IFITM3: variants seen among roughly 807,000 people sequenced by gnomAD.
IFITM3 encodes interferon-induced transmembrane protein 3.
Under a neutral mutation model 5.2 loss-of-function variants are expected in IFITM3, and 5 were observed. The observed-to-expected ratio is 0.96, with a 90% CI of 0.50 to 2.03. The LOEUF (loss-of-function observed/expected upper bound fraction) is 2.03, where lower values mean the gene tolerates loss of function less well. Among genes scored for constraint, IFITM3 ranks in the 30% most tolerant of loss-of-function variants. IFITM3 has a pLI of 0.01. For synonymous variants in IFITM3, 81 were observed against 77.6 expected (o/e 1.04, Z -0.23); for missense variants, 156 against 177.3 (o/e 0.88, Z 0.68).
intron 1 of IFITM3, chr11:320,211 G>A: frequency 2.8e-6 from 2 of 722,064 alleles, no homozygotes; most frequent in Non-Finnish European, 5.1e-6. Flanking sequence ...TCACCTGTGA[G>A]TTCCCTTCTC....
In IFITM3 at chr11:319,764, GC is replaced by G. The variant is rs779140670; in HGVS notation, c.*73del. 5 of 1,597,606 alleles carry G rather than the reference GC, an allele frequency of 3.1e-6. No individual in the cohort carries two copies. The South Asian group carries it at 5.5e-5, about 18-fold the overall frequency. ...TACAGGACTCGGCTCCGGGGGCAGGGCGAGGAATGGAAGTTGGAGTACGTGG... is the reference window on the plus strand; with the variant it reads ...TACAGGACTCGGCTCCGGGGGCAGGGGAGGAATGGAAGTTGGAGTACGTGG... On this transcript the variant is annotated 3_prime_UTR_variant, in exon 2 of 2. Coordinates refer to ENST00000399808, the MANE Select transcript of IFITM3 (RefSeq NM_021034.3).
Position 319,753 on chromosome 11 carries a change from C to T in IFITM3, c.*85G>A. ...TAAAGGGCTGATACAGGACTCGGCT[C>T]CGGGGGCAGGGCGAGGAATGGAAGT... On this transcript the variant is annotated 3_prime_UTR_variant, in exon 2 of 2. Coordinates refer to ENST00000399808, the MANE Select transcript of IFITM3 (RefSeq NM_021034.3). 6.3e-7 allele frequency: 1 copy of T among 1,576,382 alleles called. No individual in the cohort carries two copies. The highest frequency in any genetic ancestry group is 1.7e-4 in the Middle Eastern group (1 of 5,984).
rs1308719880 is a variant in IFITM3, at chr11:320,738, C to T, written c.76G>A (p.Glu26Lys). ...QPPNYEMLKE[E>K]HEVAVLGAPH... ...GCCCCCAGCACAGCCACCTCGTGCT[C>T]CTCCTTGAGCATCTCATAGTTGGGG... The change falls in exon 1 of 2, where the codon GAG (glutamate) becomes AAG (lysine). Residue 26 changes from glutamate (E) to lysine (K), a missense_variant. Glu to Lys is a moderately conservative substitution (Grantham distance 56, BLOSUM62 1). Transcript: ENST00000399808. 6.2e-7 allele frequency: 1 copy of T among 1,613,896 alleles called. No individual in the cohort carries two copies. Among genetic ancestry groups the T allele is most frequent in the East Asian group, 2.2e-5 (1 of 44,886 alleles).
Position 320,178 on chromosome 11 carries a change from G to C in IFITM3, c.250-188C>G, listed in dbSNP as rs1395422103. 4 of 734,134 alleles carry C rather than the reference G, an allele frequency of 5.4e-6. No individual in the cohort carries two copies. The South Asian group carries it at 6.2e-5, about 11-fold the overall frequency. 45.5% of individuals were successfully genotyped at this position (734,134 alleles called of 1,614,324 possible). ...TTCTGCCTTGACCTCAGCACAGGCT[G>C]TTCTCCCCACCATGGGGTGAAGTCA... On this transcript the variant is annotated intron_variant, in intron 1 of 1. Transcript: ENST00000399808.
At chr11:320,454 C>A in intron 1 of IFITM3, 111 bp downstream of exon 1, 1 of 1,510,166 alleles carries the variant, frequency 6.6e-7, no homozygotes, top group Non-Finnish European at 9.1e-7. Flanking sequence ...CAGAGGTGCA[C>A]ACAAACTCAC....
At position 320,619 on chromosome 11, in the gene IFITM3, G is replaced by C; in HGVS notation, c.195C>G (p.Thr65=). ...PDHVVWSLFN[T]LFMNPCCLGF... ...CCAGGCAGCAGGGGTTCATGAAGAG[G>C]GTGTTGAACAGGGACCAGACGACAT... The change falls in exon 1 of 2, where the codon ACC becomes ACG. Residue 65 remains threonine, a synonymous_variant. Transcript: ENST00000399808. 1 of 1,613,872 alleles carries C rather than the reference G, an allele frequency of 6.2e-7. No homozygotes were observed.
chr11:319,903 G>C lies in IFITM3; in HGVS notation c.337C>G (p.Leu113Val), dbSNP rs1060675. Residue 113 changes from leucine (L) to valine (V), a missense_variant, in exon 2 of 2, where the codon CTG becomes GTG. Transcript: ENST00000399808. ...AKCLNIWALI[L>V]GILMTILLIV... ...AGCAGAATGGTCATGAGGATGCCCA[G>C]AATCAGGGCCCAGATGTTCAGGCAC... 2 of 1,614,104 alleles carry C rather than the reference G, an allele frequency of 1.2e-6. No homozygotes were observed. Among genetic ancestry groups the C allele is most frequent in the Non-Finnish European group, 1.7e-6 (2 of 1,179,950 alleles).
At position 319,966 on chromosome 11, in the gene IFITM3, C is replaced by T. The variant is rs1316283930; in HGVS notation, c.274G>A (p.Asp92Asn). ...VKSRDRKMVG[D>N]VTGAQAYAST... ...GCATAGGCCTGGGCCCCGGTCACGT[C>T]GCCAACCATCTTCCTGTCCCTAGAC... is the stretch of plus-strand genomic sequence containing the variant. Residue 92 changes from aspartate (D) to asparagine (N), a missense_variant, in exon 2 of 2, where the codon GAC becomes AAC. Physicochemically the swap from Asp to Asn is conservative, Grantham distance 23. Coordinates refer to ENST00000399808, the MANE Select transcript of IFITM3 (RefSeq NM_021034.3). The T allele has an allele frequency of 3.1e-6, 5 of 1,613,970 alleles. No individual in the cohort carries two copies. Among genetic ancestry groups the T allele is most frequent in the Non-Finnish European group, 3.4e-6 (4 of 1,179,996 alleles).
rs1231616607 is a variant in IFITM3 at position 320,698 on chromosome 11, G to C, written c.116C>G (p.Ala39Gly). The C allele has an allele frequency of 6.2e-7, 1 of 1,613,416 alleles. No homozygotes were observed. The highest frequency in any genetic ancestry group is 1.1e-5 in the South Asian group (1 of 91,042). ...VAVLGAPHNP[A>G]PPTSTVIHIR... ...GTGGATCACGGTGGACGTCGGGGGAGCAGGGTTGTGGGGCGCCCCCAGCAC... is the reference window on the plus strand; with the variant it reads ...GTGGATCACGGTGGACGTCGGGGGACCAGGGTTGTGGGGCGCCCCCAGCAC... Residue 39 changes from alanine (A) to glycine (G), a missense_variant, in exon 1 of 2, where the codon GCT becomes GGT. Physicochemically the swap from Ala to Gly is moderately conservative, Grantham distance 60. Transcript: ENST00000399808.
At position 320,001 on chromosome 11, in the gene IFITM3, G is replaced by A; in HGVS notation, c.250-11C>T. The A allele has an allele frequency of 1.9e-6, 3 of 1,612,202 alleles. No individual in the cohort carries two copies. The highest frequency in any genetic ancestry group is 2.5e-6 in the Non-Finnish European group (3 of 1,179,406). Reference sequence around the variant, plus strand: ...CTTCCTGTCCCTAGACTGGGGGAGAGGAGATGGTGAGGGGACCAGGATCCC... The same window carrying A: ...CTTCCTGTCCCTAGACTGGGGGAGAAGAGATGGTGAGGGGACCAGGATCCC... On this transcript the variant is annotated splice_polypyrimidine_tract_variant and intron_variant, in intron 1 of 1. Coordinates refer to ENST00000399808, the MANE Select transcript of IFITM3 (RefSeq NM_021034.3).
Position 319,963 on chromosome 11 carries a change from C to T in IFITM3, c.277G>A (p.Val93Met), listed in dbSNP as rs551460382. 2.0e-5 allele frequency: 32 copies of T among 1,614,004 alleles called. No individual in the cohort carries two copies. In the East Asian group the frequency reaches 3.6e-4, roughly 18 times the overall value. The part of the protein sequence containing the change: ...KSRDRKMVGD[V>M]TGAQAYASTA... ...GAGGCATAGGCCTGGGCCCCGGTCACGTCGCCAACCATCTTCCTGTCCCTA... is the reference window on the plus strand; with the variant it reads ...GAGGCATAGGCCTGGGCCCCGGTCATGTCGCCAACCATCTTCCTGTCCCTA... Residue 93 changes from valine (V) to methionine (M), a missense_variant, in exon 2 of 2, where the codon GTG becomes ATG. Transcript: ENST00000399808.
chr11:320,379 A>C, intron 1 of IFITM3, 186 bp downstream of exon 1: 1 of 1,073,422 alleles, frequency 9.3e-7, no homozygotes, highest in Non-Finnish European at 1.4e-6. Context: ...CACTGGGCAG[A>C]TTCCCCAAGC....
chr11:320,556 C>T lies in IFITM3; in HGVS notation c.249+9G>A. ...GCACCCTCTGAGCATTCCCTGGGGC[C>T]ATACGCACCTTCACGGAGTAGGCGA... On this transcript the variant is annotated intron_variant, in intron 1 of 1. Coordinates refer to ENST00000399808, the MANE Select transcript of IFITM3 (RefSeq NM_021034.3). The T allele has an allele frequency of 1.9e-6, 3 of 1,613,552 alleles. No individual in the cohort carries two copies. Among genetic ancestry groups the T allele is most frequent in the Non-Finnish European group, 2.5e-6 (3 of 1,179,692 alleles).
Position 319,722 on chromosome 11 carries a change from T to G in IFITM3, c.*116A>C, listed in dbSNP as rs1327568636. The G allele has an allele frequency of 1.5e-6, 2 of 1,311,604 alleles. No homozygotes were observed. The highest frequency in any genetic ancestry group is 1.1e-6 in the Non-Finnish European group (1 of 912,974). 81.2% of individuals were successfully genotyped at this position (1,311,604 alleles called of 1,614,324 possible). ...TTGAATGCCATTGTAGAAAAGCGTG[T>G]GAGGATAAAGGGCTGATACAGGACT... On this transcript the variant is annotated 3_prime_UTR_variant, in exon 2 of 2. Transcript: ENST00000399808.
chr11:319,860 A>G lies in IFITM3; in HGVS notation c.380T>C (p.Leu127Pro). 2 of 1,614,210 alleles carry G rather than the reference A, an allele frequency of 1.2e-6. No individual in the cohort carries two copies. Among genetic ancestry groups the G allele is most frequent in the Non-Finnish European group, 1.7e-6 (2 of 1,180,022 alleles). ...GATCTATCCATAGGCCTGGAAGATC[A>G]GCACTGGGATGACGATGAGCAGAAT... ...MTILLIVIPV[L>P]IFQAYG Residue 127 changes from leucine (L) to proline (P), a missense_variant, in exon 2 of 2, where the codon CTG becomes CCG. By Grantham distance (98) the Leu-to-Pro change is moderately conservative. Coordinates refer to ENST00000399808, the MANE Select transcript of IFITM3 (RefSeq NM_021034.3).
rs1846080624 is a variant in IFITM3 at position 319,929 on chromosome 11, T to C, written c.311A>G (p.Lys104Arg). The C allele has an allele frequency of 6.2e-7, 1 of 1,614,140 alleles. No individual in the cohort carries two copies. The highest frequency in any genetic ancestry group is 1.7e-5 in the Admixed American group (1 of 60,026). ...TGAQAYASTA[K>R]CLNIWALILG... is the part of the protein sequence containing the mutation. ...AATCAGGGCCCAGATGTTCAGGCAC[T>C]TGGCGGTGGAGGCATAGGCCTGGGC... Residue 104 changes from lysine to arginine, a missense_variant, in exon 2 of 2, where the codon AAG becomes AGG. Lys to Arg is a conservative substitution (Grantham distance 26). Transcript: ENST00000399808.
rs757560142 is a variant in IFITM3, at chr11:319,705, C to T, written c.*133G>A. Reference sequence around the variant, plus strand: ...GAAACACGTGCACTTTATTGAATGCCATTGTAGAAAAGCGTGTGAGGATAA... The same window carrying T: ...GAAACACGTGCACTTTATTGAATGCTATTGTAGAAAAGCGTGTGAGGATAA... On this transcript the variant is annotated 3_prime_UTR_variant, in exon 2 of 2. Transcript: ENST00000399808. The T allele has an allele frequency of 3.4e-6, 4 of 1,164,316 alleles. No homozygotes were observed. The East Asian group carries it at 9.7e-5, about 28-fold the overall frequency. The allele number at this position is 1,164,316 out of a possible 1,614,324, so 72.1% of individuals were successfully genotyped here.
chr11:320,285 G>T (rs1433982868), intron 1 of IFITM3: 9 of 697,850 alleles, frequency 1.3e-5, no homozygotes, highest in Non-Finnish European at 2.0e-5. Flanking sequence ...CTGGGCTATA[G>T]GGAGAACTGC....
At position 319,971 on chromosome 11, in the gene IFITM3, A is replaced by G. The variant is rs1436033223; in HGVS notation, c.269T>C (p.Val90Ala). The change falls in exon 2 of 2, where the codon GTT (valine) becomes GCT (alanine). Residue 90 changes from valine (V) to alanine (A), a missense_variant. By Grantham distance (64) the Val-to-Ala change is moderately conservative. Transcript: ENST00000399808. The part of the protein sequence containing the change: ...YSVKSRDRKM[V>A]GDVTGAQAYA... Reference sequence around the variant, plus strand: ...GGCCTGGGCCCCGGTCACGTCGCCAACCATCTTCCTGTCCCTAGACTGGGG... The same window carrying G: ...GGCCTGGGCCCCGGTCACGTCGCCAGCCATCTTCCTGTCCCTAGACTGGGG... 6.2e-7 allele frequency: 1 copy of G among 1,613,854 alleles called. No individual in the cohort carries two copies. Among genetic ancestry groups the G allele is most frequent in the Non-Finnish European group, 8.5e-7 (1 of 1,179,988 alleles).
Sources: gnomAD v4.1 joint callset for allele counts on GRCh38, gnomAD v4.1.1 for gene constraint, MANE v1.5 for transcripts, NCBI Gene and HGNC (gene_info 2026-07-23, HGNC 2026-07-21) for gene names.